DNAJB14: variants seen among roughly 807,000 people sequenced by gnomAD.
DNAJB14 encodes the protein DnaJ heat shock protein family (Hsp40) member B14, also known as dnaJ homolog subfamily B member 14.
Under a neutral mutation model 48.4 loss-of-function variants are expected in DNAJB14, and 22 were observed. The observed-to-expected ratio is 0.45, with a 90% CI of 0.32 to 0.65. The LOEUF (loss-of-function observed/expected upper bound fraction) is 0.65, where lower values mean the gene tolerates loss of function less well. Ranked by LOEUF, DNAJB14 falls within the 30% of genes least tolerant of loss-of-function variation. DNAJB14 has a pLI of 0.03. For synonymous variants in DNAJB14, 142 were observed against 158.7 expected (o/e 0.89, Z 0.79); for missense variants, 319 against 458.8 (o/e 0.70, Z 2.78).
At chr4:99,901,220 T>G in intron 7 of DNAJB14, 68 bp from the exon 8 acceptor site, 2 of 1,393,822 alleles carry the variant, frequency 1.4e-6, no homozygotes, top group Non-Finnish European at 1.9e-6. Context: ...TAAGCTCAAG[T>G]GATGCTTTAC....
At chr4:99,939,329 T>C (rs907130031) in intron 1 of DNAJB14, among the ~76,000 whole-genome samples, 1 of 152,202 alleles carries the variant, frequency 6.6e-6, no homozygotes, top group Non-Finnish European at 1.5e-5. Flanking sequence ...ACCATTGCAT[T>C]CCGGCCTGGG....
chr4:99,915,819 G>C (rs1396852676), intron 3 of DNAJB14, among the ~76,000 whole-genome samples: 3 of 152,200 alleles, frequency 2.0e-5, no homozygotes, highest in African/African-American at 7.2e-5. Flanking sequence ...ATTATTGAGA[G>C]AGAGGTGTCA....
intron 4 of DNAJB14, among the ~76,000 whole-genome samples, chr4:99,907,770 T>G (rs1725519678): frequency 6.6e-6 from 1 of 152,150 alleles, no homozygotes; most frequent in Non-Finnish European, 1.5e-5. Flanking sequence ...TCATGAAGAT[T>G]CTCTTAATGT....
At chr4:99,904,431 A>G (rs985046827) in intron 6 of DNAJB14, among the ~76,000 whole-genome samples, 2 of 152,160 alleles carry the variant, frequency 1.3e-5, no homozygotes, top group South Asian at 2.1e-4. Flanking sequence ...AATGTATACA[A>G]ACTTTGTTTC....
intron 3 of DNAJB14, among the ~76,000 whole-genome samples, chr4:99,912,919 A>C (rs1275077075): frequency 6.6e-6 from 1 of 152,242 alleles, no homozygotes; most frequent in East Asian, 1.9e-4. Context: ...TATTAAACTT[A>C]CACCTAAGTA....
chr4:99,933,976 G>A (rs1726576590), intron 1 of DNAJB14, among the ~76,000 whole-genome samples: 1 of 152,150 alleles, frequency 6.6e-6, no homozygotes, highest in Non-Finnish European at 1.5e-5. Flanking sequence ...AAAAAGGAAT[G>A]AGTTTTGCCT....
At chr4:99,908,295 T>C (rs1725536856) in intron 4 of DNAJB14, among the ~76,000 whole-genome samples, 1 of 152,172 alleles carries the variant, frequency 6.6e-6, no homozygotes, top group South Asian at 2.1e-4. Flanking sequence ...TACCTCTACA[T>C]ATATCCAAAT....
chr4:99,917,271 C>A (rs1461119801), intron 3 of DNAJB14, among the ~76,000 whole-genome samples: 2 of 152,106 alleles, frequency 1.3e-5, no homozygotes, highest in Non-Finnish European at 2.9e-5. Flanking sequence ...TGTATTTAAC[C>A]ATATTTTTGC....
chr4:99,916,744 A>G (rs1463768704), intron 3 of DNAJB14, among the ~76,000 whole-genome samples: 1 of 152,150 alleles, frequency 6.6e-6, no homozygotes, highest in Non-Finnish European at 1.5e-5. Flanking sequence ...TGTTATATAT[A>G]CATAATTTAT....
At chr4:99,926,130 C>G (rs1182129562) in intron 2 of DNAJB14, 1 of 152,256 alleles carries the variant, frequency 6.6e-6, no homozygotes, top group Non-Finnish European at 1.5e-5. Flanking sequence ...ATCCAAATTC[C>G]TCAGGACTAG....
intron 3 of DNAJB14, among the ~76,000 whole-genome samples, chr4:99,913,541 T>A (rs993643182): frequency 1.5e-4 from 23 of 152,000 alleles, no homozygotes; most frequent in African/African-American, 5.1e-4. Context: ...TTGGGGTATA[T>A]AATTCTTTTT....
At chr4:99,929,124 G>A (rs1436810824) in intron 2 of DNAJB14, 1 of 153,302 alleles carries the variant, frequency 6.5e-6, no homozygotes, top group Non-Finnish European at 1.4e-5. Flanking sequence ...AAGGTGTCTT[G>A]CTCTGTCGCC....
chr4:99,930,317 T>A, intron 2 of DNAJB14, 133 bp downstream of exon 2: 1 of 850,994 alleles, frequency 1.2e-6, no homozygotes, highest in Non-Finnish European at 1.7e-6. Context: ...ATATGAAGCA[T>A]AAGACACACC....
chr4:99,906,035 T>C, intron 5 of DNAJB14: 2 of 1,309,892 alleles, frequency 1.5e-6, no homozygotes, highest in Admixed American at 2.5e-5. Flanking sequence ...AACCATTTTT[T>C]ACCTTGGATT....
intron 1 of DNAJB14, among the ~76,000 whole-genome samples, chr4:99,935,796 G>C (rs1475346036): frequency 6.6e-6 from 1 of 152,156 alleles, no homozygotes; most frequent in African/African-American, 2.4e-5. Flanking sequence ...GGCCAGGTGC[G>C]GTGGCTCACG....
chr4:99,917,341 T>C (rs909650894), intron 3 of DNAJB14, among the ~76,000 whole-genome samples: 1 of 152,206 alleles, frequency 6.6e-6, no homozygotes, highest in Admixed American at 6.5e-5. Flanking sequence ...CTGCATAGTT[T>C]ATAACCAAAT....
chr4:99,937,180 G>C (rs943865416), intron 1 of DNAJB14, among the ~76,000 whole-genome samples: 3 of 151,994 alleles, frequency 2.0e-5, no homozygotes, highest in African/African-American at 7.3e-5. Context: ...AGCCAGGTGT[G>C]GTGGCAGGCG....
chr4:99,930,816 T>A (rs886678291), intron 1 of DNAJB14, among the ~76,000 whole-genome samples, 195 bp from the exon 2 acceptor site: 1 of 152,198 alleles, frequency 6.6e-6, no homozygotes, highest in Non-Finnish European at 1.5e-5. Context: ...AGAAGTAGAA[T>A]GTTAAGTTAA....
Position 99,897,201 on chromosome 4 carries a change from A to AAATATAT in DNAJB14, c.*3826_*3827insATATATT, listed in dbSNP as rs1553944897. 6.0e-5 allele frequency: 8 copies of AAATATAT among 133,838 alleles called. No homozygotes were observed. The highest frequency in any genetic ancestry group is 2.0e-4 in the African/African-American group (7 of 35,332). The allele number at this position is 133,838 out of a possible 1,614,324, so 8.3% of individuals were successfully genotyped here. ...TAATTAGCTGGGAAAAAAAAAAAAA[A>AAATATAT]ATATATATATATATATATACACCTA... On this transcript the variant is annotated 3_prime_UTR_variant, in exon 8 of 8. Coordinates refer to ENST00000442697, the MANE Select transcript of DNAJB14 (RefSeq NM_001031723.4).
Sources: allele counts gnomAD v4.1 joint callset (sites outside exome capture counted in the v4.1 genomes callset), GRCh38; gene constraint gnomAD v4.1.1; transcripts MANE v1.5; gene names NCBI Gene and HGNC (gene_info 2026-07-23, HGNC 2026-07-21).